The following RYR3 variants were observed in gnomAD, a reference collection of about 807,000 sequenced individuals.
The protein encoded by RYR3 is brain ryanodine receptor-calcium release channel.
A neutral mutation model predicts 584.3 loss-of-function variants in RYR3; 207 were observed. The observed-to-expected ratio is 0.35, with a 90% CI of 0.32 to 0.40. The LOEUF is 0.40. Among genes scored for constraint, RYR3 ranks in the 10% least tolerant of loss-of-function variants. The pLI, the probability that RYR3 is intolerant of heterozygous loss-of-function variation, is 1.00. For missense variants in RYR3, 5,616 were observed against 6,089.2 expected, an observed-to-expected ratio of 0.92 and a Z score of 2.59; for synonymous variants, 2,416 against 2,248.5, an observed-to-expected ratio of 1.07 and a Z score of -2.11.
At chr15:33,660,531 C>T in intron 34 of RYR3, 108 bp downstream of exon 34, 1 of 677,500 alleles carries the variant, frequency 1.5e-6, no homozygotes, top group South Asian at 2.0e-5. Flanking sequence ...CCTGCTCAGT[C>T]CCAGTATGAC....
In RYR3 at chr15:33,630,061, C is replaced by T. The variant is rs755082886; in HGVS notation, c.2783+18C>T. ...ACCTTAAAGTGAGTATTTAATTGAG[C>T]TGAAGTTTTACAAACAATGAATAGA... On this transcript the variant is annotated intron_variant, in intron 22 of 103. Coordinates refer to ENST00000634891, the MANE Select transcript of RYR3 (RefSeq NM_001036.6). 2.9e-6 allele frequency: 4 copies of T among 1,396,114 alleles called. No individual in the cohort carries two copies. The Admixed American group carries it at 7.8e-5, about 27-fold the overall frequency. 86.5% of individuals were successfully genotyped at this position (1,396,114 alleles called of 1,614,324 possible).
intron 28 of RYR3, among the ~76,000 whole-genome samples, chr15:33,645,361 C>G (rs1231883920): frequency 3.9e-5 from 6 of 152,148 alleles, no homozygotes; most frequent in Admixed American, 3.9e-4. Flanking sequence ...AAATCAGCCC[C>G]ATTGCAGCTT....
chr15:33,618,710 G>T (rs749180741), intron 19 of RYR3, among the ~76,000 whole-genome samples: 19 of 152,192 alleles, frequency 1.2e-4, no homozygotes, highest in Non-Finnish European at 2.6e-4. Flanking sequence ...GCAGATAACA[G>T]TAATGAGACA....
chr15:33,359,754 G>A lies in RYR3; in HGVS notation c.51+48658G>A, dbSNP rs367916937. ...CTGCCTCAGCCTCCGAAGTAGCTGG[G>A]ACTACAGGCGCCCACCACCAAGCCT... is the stretch of plus-strand genomic sequence containing the variant. On this transcript the variant is annotated intron_variant, in intron 1 of 103. Coordinates refer to ENST00000634891, the MANE Select transcript of RYR3 (RefSeq NM_001036.6). Among the ~76,000 whole-genome samples, 69 of 152,078 alleles carry A rather than the reference G, an allele frequency of 4.5e-4. 1 individual carries two copies. Among genetic ancestry groups the A allele is most frequent in the African/African-American group, 1.5e-3 (63 of 41,478 alleles).
At chr15:33,475,886 T>G (rs1596302117) in intron 2 of RYR3, among the ~76,000 whole-genome samples, 1 of 152,228 alleles carries the variant, frequency 6.6e-6, no homozygotes, top group Non-Finnish European at 1.5e-5. Context: ...ACATTTAAAC[T>G]GGGACTTAGT....
intron 64 of RYR3, among the ~76,000 whole-genome samples, chr15:33,776,282 C>T (rs2073987447): frequency 6.6e-6 from 1 of 152,206 alleles, no homozygotes; most frequent in South Asian, 2.1e-4. Context: ...GACAACAACA[C>T]TGAGAATGTC....
At chr15:33,658,180 G>A (rs1237140394) in intron 32 of RYR3, among the ~76,000 whole-genome samples, 1 of 152,184 alleles carries the variant, frequency 6.6e-6, no homozygotes, top group Non-Finnish European at 1.5e-5. Context: ...TAAGGTGTCA[G>A]CCAGGCTGCC....
Position 33,711,329 on chromosome 15 carries a change from C to T in RYR3, c.6619+4275C>T, listed in dbSNP as rs550885335. Among the ~76,000 whole-genome samples the T allele has an allele frequency of 8.6e-5, 13 of 150,508 alleles. No individual in the cohort carries two copies. The East Asian group carries it at 9.8e-4, about 11-fold the overall frequency. On this transcript the variant is annotated intron_variant, in intron 43 of 103. Coordinates refer to ENST00000634891, the MANE Select transcript of RYR3 (RefSeq NM_001036.6). The stretch of plus-strand genomic sequence containing the variant: ...CATGATCTCAGCTCACTGCAAGCTC[C>T]GCCTCCCAGGTTCATGCCATTCTCC...
intron 45 of RYR3, among the ~76,000 whole-genome samples, chr15:33,724,628 CA>C (rs1424498165): frequency 6.6e-6 from 1 of 152,144 alleles, no homozygotes; most frequent in Non-Finnish European, 1.5e-5. Context: ...GCAAACATCA[CA>C]AAAGGATGGT....
At chr15:33,448,526 G>A (rs1424223089) in intron 1 of RYR3, among the ~76,000 whole-genome samples, 2 of 152,210 alleles carry the variant, frequency 1.3e-5, no homozygotes, top group African/African-American at 2.4e-5. Flanking sequence ...AGCCTTGAGA[G>A]CGAGATTTGA....
intron 69 of RYR3, among the ~76,000 whole-genome samples, chr15:33,805,742 G>C (rs1031575223): frequency 6.6e-6 from 1 of 152,030 alleles, no homozygotes; most frequent in Non-Finnish European, 1.5e-5. Context: ...CTCCCAAAGT[G>C]CTGGGATTAC....
intron 72 of RYR3, among the ~76,000 whole-genome samples, chr15:33,812,012 A>G (rs1327660497): frequency 4.6e-5 from 7 of 152,178 alleles, no homozygotes; most frequent in Non-Finnish European, 8.8e-5. Context: ...AAAGGCAATA[A>G]AAAGAAATCT....
intron 3 of RYR3, among the ~76,000 whole-genome samples, chr15:33,514,358 A>T (rs2053311746): frequency 6.6e-6 from 1 of 152,160 alleles, no homozygotes; most frequent in Admixed American, 6.5e-5. Context: ...GGAGGGTGGT[A>T]GGCAGGAGAA....
chr15:33,576,189 T>A (rs2058293713), intron 12 of RYR3, among the ~76,000 whole-genome samples: 1 of 152,068 alleles, frequency 6.6e-6, no homozygotes, highest in Non-Finnish European at 1.5e-5. Context: ...TTCTACCAGG[T>A]ACGAAGAGGA....
chr15:33,427,051 T>C (rs1004207783), intron 1 of RYR3, among the ~76,000 whole-genome samples: 26 of 152,120 alleles, frequency 1.7e-4, no homozygotes, highest in African/African-American at 3.9e-4. Context: ...ACTTATGAAT[T>C]TGGGAGAAGA....
chr15:33,564,834 C>T (rs888707917), intron 11 of RYR3, among the ~76,000 whole-genome samples: 1 of 152,200 alleles, frequency 6.6e-6, no homozygotes, highest in Non-Finnish European at 1.5e-5. Flanking sequence ...CTTTTATAAA[C>T]TCTCTCCAGC....
At chr15:33,563,467 C>T (rs1444692714) in intron 11 of RYR3, among the ~76,000 whole-genome samples, 2 of 152,204 alleles carry the variant, frequency 1.3e-5, no homozygotes, top group Non-Finnish European at 2.9e-5. Context: ...TGGAATGACA[C>T]TGTATCCACA....
At chr15:33,411,762 A>G (rs758298686) in intron 1 of RYR3, among the ~76,000 whole-genome samples, 25 of 152,148 alleles carry the variant, frequency 1.6e-4, no homozygotes, top group Non-Finnish European at 3.7e-4. Flanking sequence ...TATGAAAATC[A>G]TGGTCCTGTG....
rs1272965489 is a variant in RYR3 at position 33,635,644 on chromosome 15, A to C, written c.3206A>C (p.Asp1069Ala). 1 of 1,613,934 alleles carries C rather than the reference A, an allele frequency of 6.2e-7. No individual in the cohort carries two copies. Among genetic ancestry groups the C allele is most frequent in the Non-Finnish European group, 8.5e-7 (1 of 1,179,876 alleles). Residue 1069 changes from aspartate (D) to alanine (A), a missense_variant, in exon 26 of 104, where the codon GAC becomes GCC. Asp to Ala is a moderately radical substitution (Grantham distance 126, BLOSUM62 -2). Around this residue, in one of 9 missense-constraint regions of RYR3, gnomAD observed 1,284 missense variants for 1,344.6 expected, o/e 0.95. Transcript: ENST00000634891. ...TCGGCTGTGGAGAAGGTCAGCATAGACAAGATCCGATTTTTCCGGGTAGAG... is the reference window on the plus strand; with the variant it reads ...TCGGCTGTGGAGAAGGTCAGCATAGCCAAGATCCGATTTTTCCGGGTAGAG... ...ADSAVEKVSI[D>A]KIRFFRVERS... is the part of the protein sequence containing the mutation.
Sources: gnomAD v4.1 joint callset for allele counts (sites outside exome capture counted in the v4.1 genomes callset) on GRCh38, gnomAD v4.1.1 for gene constraint, gnomAD v4.1.1 regional missense constraint, MANE v1.5 for transcripts, NCBI Gene and HGNC (gene_info 2026-07-23, HGNC 2026-07-21) for gene names.